Variants in SLC35F4 observed in about 807,000 individuals in gnomAD.
SLC35F4 encodes the protein solute carrier family 35 member F4.
In SLC35F4, 24 loss-of-function variants were observed where a neutral mutation model predicts 44.2. The observed-to-expected ratio is 0.54, with a 90% CI of 0.39 to 0.76. The LOEUF is 0.76. Ranked by LOEUF, SLC35F4 falls within the 30% of genes least tolerant of loss-of-function variation. The pLI is 0.00. For missense variants in SLC35F4, 562 were observed against 586.1 expected (o/e 0.96, Z 0.42); for synonymous variants, 238 against 223.6 (o/e 1.06, Z -0.57).
chr14:57,598,005 G>C (rs1011669970), intron 1 of SLC35F4, among the ~76,000 whole-genome samples: 3 of 152,136 alleles, frequency 2.0e-5, no homozygotes, highest in African/African-American at 7.2e-5. Context: ...CATATACTAG[G>C]AATCCAAACT....
chr14:57,848,694 G>A (rs1280371439), intron 1 of SLC35F4, among the ~76,000 whole-genome samples: 1 of 152,154 alleles, frequency 6.6e-6, no homozygotes, highest in East Asian at 1.9e-4. Flanking sequence ...CAGATTTGAA[G>A]GGTAGAAATA....
At chr14:57,982,547 C>A (rs915939527), upstream of SLC35F4, among the ~76,000 whole-genome samples, 1 of 151,896 alleles carries the variant, frequency 6.6e-6, no homozygotes. Context: ...TGAGCAGAAG[C>A]AAAGGGCAGC....
intron 1 of SLC35F4, among the ~76,000 whole-genome samples, chr14:57,687,578 G>C (rs1421975431): frequency 2.6e-5 from 4 of 152,114 alleles, no homozygotes; most frequent in Admixed American, 1.3e-4. Flanking sequence ...CTGTGCATCA[G>C]CAGAGCTAAC....
intron 1 of SLC35F4, among the ~76,000 whole-genome samples, chr14:57,871,480 T>C (rs1018447023): frequency 6.6e-6 from 1 of 152,216 alleles, no homozygotes; most frequent in African/African-American, 2.4e-5. Flanking sequence ...ACCTGCTACA[T>C]ATTCATTTTA....
intron 1 of SLC35F4, among the ~76,000 whole-genome samples, chr14:57,638,250 A>G (rs565794573): frequency 6.6e-6 from 1 of 152,198 alleles, no homozygotes; most frequent in African/African-American, 2.4e-5. Flanking sequence ...CTTTCTCCTG[A>G]TAAGAGACCA....
intron 1 of SLC35F4, among the ~76,000 whole-genome samples, chr14:57,793,337 T>C (rs2077974924): frequency 6.6e-6 from 1 of 152,028 alleles, no homozygotes; most frequent in Non-Finnish European, 1.5e-5. Context: ...GGGCTTTTAG[T>C]GCACCCATCA....
chr14:57,612,729 G>A (rs1316287652), intron 1 of SLC35F4, among the ~76,000 whole-genome samples: 1 of 152,148 alleles, frequency 6.6e-6, no homozygotes, highest in Non-Finnish European at 1.5e-5. Context: ...TAACTTTAAT[G>A]TGCATATGTC....
chr14:57,786,866 C>G (rs950092593), intron 1 of SLC35F4, among the ~76,000 whole-genome samples: 8 of 152,224 alleles, frequency 5.3e-5, no homozygotes, highest in Middle Eastern at 6.8e-3. Context: ...CTTCAGCACC[C>G]CTCAACAATC....
At chr14:57,591,029 A>G (rs2070142707) in intron 2 of SLC35F4, among the ~76,000 whole-genome samples, 2 of 152,252 alleles carry the variant, frequency 1.3e-5, no homozygotes, top group South Asian at 4.1e-4. Flanking sequence ...TGAACACAGC[A>G]ACCACTACAT....
At chr14:57,902,270 A>G (rs546535851) in intron 1 of SLC35F4, among the ~76,000 whole-genome samples, 16 of 152,238 alleles carry the variant, frequency 1.1e-4, no homozygotes, top group Admixed American at 2.6e-4. Flanking sequence ...CTTTAACTTG[A>G]AATTCTACTC....
chr14:57,965,345 C>CG (rs397941845), intron 1 of SLC35F4, among the ~76,000 whole-genome samples: 1 of 151,954 alleles, frequency 6.6e-6, no homozygotes, highest in Non-Finnish European at 1.5e-5. Flanking sequence ...TTTCTACCTC[C>CG]TCTTCTACTT....
intron 1 of SLC35F4, among the ~76,000 whole-genome samples, chr14:57,671,910 C>CA (rs1363386421): frequency 6.6e-6 from 1 of 152,010 alleles, no homozygotes; most frequent in African/African-American, 2.4e-5. Context: ...TACTTGAAAC[C>CA]ACATTTTTTT....
At chr14:57,625,528 G>C (rs2760289) in intron 1 of SLC35F4, among the ~76,000 whole-genome samples, 1 of 151,924 alleles carries the variant, frequency 6.6e-6, no homozygotes, top group African/African-American at 2.4e-5. Context: ...AGCTGGAGGC[G>C]TCATGCTACC....
At chr14:57,630,958 G>A in intron 1 of SLC35F4, 1 of 559,334 alleles carries the variant, frequency 1.8e-6, no homozygotes, top group Non-Finnish European at 2.3e-6. Context: ...TGAAGTATTT[G>A]GTGAAAAGAT....
intron 1 of SLC35F4, among the ~76,000 whole-genome samples, chr14:57,779,179 T>C (rs1344064211): frequency 6.6e-6 from 1 of 151,932 alleles, no homozygotes; most frequent in South Asian, 2.1e-4. Flanking sequence ...AACCATTCAA[T>C]AGATCAGTGA....
chr14:57,942,471 CTT>C (rs1303442887), intron 1 of SLC35F4, among the ~76,000 whole-genome samples: 2 of 152,194 alleles, frequency 1.3e-5, no homozygotes, highest in Admixed American at 6.5e-5. Context: ...CTTCAGATGA[CTT>C]TTTTTGAGTT....
intron 1 of SLC35F4, among the ~76,000 whole-genome samples, chr14:57,770,364 G>A (rs1033144127): frequency 3.3e-5 from 5 of 152,308 alleles, no homozygotes; most frequent in Middle Eastern, 3.4e-3. Context: ...AGGTTGTTTC[G>A]TATGTATGTT....
At chr14:57,623,145 G>A (rs975890329) in intron 1 of SLC35F4, among the ~76,000 whole-genome samples, 3 of 151,986 alleles carry the variant, frequency 2.0e-5, no homozygotes, top group Non-Finnish European at 4.4e-5. Context: ...AAGCAAAAAA[G>A]CAGAGGTTGC....
intron 1 of SLC35F4, among the ~76,000 whole-genome samples, chr14:57,654,297 G>A (rs978928062): frequency 1.3e-5 from 2 of 152,010 alleles, no homozygotes; most frequent in African/African-American, 4.8e-5. Flanking sequence ...TTATGCCTTT[G>A]CGTCCTCATA....
Sources: gnomAD v4.1 joint callset for allele counts (sites outside exome capture counted in the v4.1 genomes callset) on GRCh38, gnomAD v4.1.1 for gene constraint, MANE v1.5 for transcripts, NCBI Gene and HGNC (gene_info 2026-07-23, HGNC 2026-07-21) for gene names.